Variants in ADGRV1 observed in about 807,000 individuals in gnomAD.
The protein encoded by ADGRV1 is G-protein coupled receptor 98.
ADGRV1 carries 359 observed loss-of-function variants against 596.2 expected under a neutral mutation model. The observed-to-expected ratio is 0.60, with a 90% CI of 0.55 to 0.66. The LOEUF (loss-of-function observed/expected upper bound fraction) is 0.66. Ranked by LOEUF, ADGRV1 falls within the 30% of genes least tolerant of loss-of-function variation. ADGRV1 has a pLI of 0.00. For synonymous variants in ADGRV1, 2,681 were observed against 2,679.2 expected, an observed-to-expected ratio of 1.00 and a Z score of -0.02; for missense variants, 7,274 against 7,575.6, an observed-to-expected ratio of 0.96 and a Z score of 1.48.
chr5:90,653,874 G>T lies in ADGRV1; in HGVS notation c.4300G>T (p.Gly1434Cys). The T allele has an allele frequency of 6.2e-7, 1 of 1,602,554 alleles. No individual in the cohort carries two copies. Among genetic ancestry groups the T allele is most frequent in the South Asian group, 1.1e-5 (1 of 88,870 alleles). The change falls in exon 20 of 90, where the codon GGT (glycine) becomes TGT (cysteine). Residue 1434 changes from glycine to cysteine, a missense_variant. This residue lies in a region of ADGRV1 where 38 missense variants were observed against 66.7 expected (regional missense o/e 0.57). Transcript: ENST00000405460. ...WLHLLIILED[G>C]IIEFYLDGNA... ...TCATCTACTAATTATCCTGGAGGATGGTATAATCGAATTCTACCTGGATGG... is the reference window on the plus strand; with the variant it reads ...TCATCTACTAATTATCCTGGAGGATTGTATAATCGAATTCTACCTGGATGG...
Position 90,697,059 on chromosome 5 carries a change from A to G in ADGRV1, c.8068A>G (p.Thr2690Ala), listed in dbSNP as rs765530046. ...GGSRILPSSD[T>A]VRVNILANDN... ...AAGTAGAATTTTGCCAAGCTCCGAC[A>G]CTGTTAGAGTGAACATTTTGGCCAA... Residue 2690 changes from threonine (T) to alanine (A), a missense_variant, in exon 34 of 90, where the codon ACT becomes GCT. By Grantham distance (58) the Thr-to-Ala change is moderately conservative. Coordinates refer to ENST00000405460, the MANE Select transcript of ADGRV1 (RefSeq NM_032119.4). 5.6e-6 allele frequency: 9 copies of G among 1,613,404 alleles called. No individual in the cohort carries two copies. In the East Asian group the frequency reaches 1.6e-4, roughly 28 times the overall value.
intron 1 of ADGRV1, among the ~76,000 whole-genome samples, chr5:90,600,693 T>C (rs935571296): frequency 3.9e-5 from 6 of 152,190 alleles, no homozygotes; most frequent in Non-Finnish European, 8.8e-5. Flanking sequence ...CTGGGTCAAA[T>C]GGTAGTTCTA....
In ADGRV1 at chr5:90,786,450, C is replaced by T. The variant is rs568443060; in HGVS notation, c.13654-1621C>T. Reference sequence around the variant, plus strand: ...TGCAAATAGGATGCCATTAGAAAATCGTAAGCCAGAGAACAATGTCACCAG... The same window carrying T: ...TGCAAATAGGATGCCATTAGAAAATTGTAAGCCAGAGAACAATGTCACCAG... On this transcript the variant is annotated intron_variant, in intron 67 of 89. Coordinates refer to ENST00000405460, the MANE Select transcript of ADGRV1 (RefSeq NM_032119.4). Among the ~76,000 whole-genome samples the T allele has an allele frequency of 1.1e-4, 16 of 152,214 alleles. No individual in the cohort carries two copies. The South Asian group carries it at 2.1e-3, about 20-fold the overall frequency.
At chr5:90,830,022 C>A (rs1168358842) in intron 77 of ADGRV1, among the ~76,000 whole-genome samples, 1 of 152,076 alleles carries the variant, frequency 6.6e-6, no homozygotes, top group African/African-American at 2.4e-5. Flanking sequence ...TTCACAGTTT[C>A]ATTAAAAGTT....
chr5:90,651,511 A>G, intron 17 of ADGRV1, 93 bp from the exon 18 acceptor site: 1 of 1,109,730 alleles, frequency 9.0e-7, no homozygotes, highest in Non-Finnish European at 1.2e-6. Flanking sequence ...TGAAATTTTC[A>G]ACTTAATTGT....
At position 91,083,023 on chromosome 5, in the gene ADGRV1, T is replaced by C. The variant is rs74480193; in HGVS notation, c.18310+10419T>C. On this transcript the variant is annotated intron_variant, in intron 86 of 89. Coordinates refer to ENST00000405460, the MANE Select transcript of ADGRV1 (RefSeq NM_032119.4). ...AGATCCGGAAATAAAGGAAAATGGGTTTACCAGTACTAGAGAAACAGGAAG... is the reference window on the plus strand; with the variant it reads ...AGATCCGGAAATAAAGGAAAATGGGCTTACCAGTACTAGAGAAACAGGAAG... Among the ~76,000 whole-genome samples the C allele has an allele frequency of 5.4e-3, 824 of 152,230 alleles. 6 individuals carry two copies. The highest frequency in any genetic ancestry group is 0.019 in the African/African-American group (789 of 41,526).
At chr5:90,564,973 TC>T (rs1313468346) in intron 1 of ADGRV1, among the ~76,000 whole-genome samples, 2 of 151,592 alleles carry the variant, frequency 1.3e-5, no homozygotes, top group African/African-American at 4.8e-5. Flanking sequence ...GGTGGCTCAC[TC>T]CCGTAATCCC....
chr5:90,706,737 A>C (rs1298770873), intron 38 of ADGRV1, among the ~76,000 whole-genome samples: 1 of 151,806 alleles, frequency 6.6e-6, no homozygotes, highest in Non-Finnish European at 1.5e-5. Context: ...TAGTAAAAAA[A>C]AAAAAAAATT....
At chr5:90,949,719 C>T (rs1776897314) in intron 83 of ADGRV1, among the ~76,000 whole-genome samples, 1 of 152,018 alleles carries the variant, frequency 6.6e-6, no homozygotes, top group Non-Finnish European at 1.5e-5. Flanking sequence ...GAGTCTAATG[C>T]AAGTATTCTG....
chr5:91,122,504 A>C (rs1793410783), intron 87 of ADGRV1, among the ~76,000 whole-genome samples: 1 of 152,016 alleles, frequency 6.6e-6, no homozygotes. Flanking sequence ...ATTTATTAGC[A>C]CTCTCTGCTC....
At chr5:90,781,743 T>A (rs1173119586) in intron 65 of ADGRV1, among the ~76,000 whole-genome samples, 165 bp downstream of exon 65, 4 of 152,146 alleles carry the variant, frequency 2.6e-5, no homozygotes, top group Non-Finnish European at 5.9e-5. Context: ...ACATTTTCAG[T>A]TATCTTTGGG....
intron 1 of ADGRV1, among the ~76,000 whole-genome samples, chr5:90,595,812 G>C (rs1363030248): frequency 6.8e-6 from 1 of 146,824 alleles, no homozygotes; most frequent in Non-Finnish European, 1.5e-5. Flanking sequence ...CTCCCTCCCG[G>C]ACGGGGCAGC....
intron 41 of ADGRV1, 79 bp downstream of exon 41, chr5:90,711,401 GGT>G: frequency 9.5e-7 from 1 of 1,048,372 alleles, no homozygotes; most frequent in East Asian, 2.7e-5. Context: ...CAGTGATTTA[GGT>G]CCCATATAAA....
chr5:91,098,759 G>A (rs527719557), intron 86 of ADGRV1, among the ~76,000 whole-genome samples: 93 of 150,836 alleles, frequency 6.2e-4, no homozygotes, highest in African/African-American at 1.5e-3. Context: ...AGCTCTGTCA[G>A]CACATACCAC....
At chr5:90,946,498 G>A (rs1313346743) in intron 83 of ADGRV1, among the ~76,000 whole-genome samples, 6 of 152,020 alleles carry the variant, frequency 3.9e-5, no homozygotes, top group Admixed American at 3.3e-4. Context: ...TGCAGGACAC[G>A]TAGGTTTGTT....
At chr5:90,766,477 C>T (rs1267138882) in intron 59 of ADGRV1, among the ~76,000 whole-genome samples, 1 of 152,006 alleles carries the variant, frequency 6.6e-6, no homozygotes, top group African/African-American at 2.4e-5. Context: ...CATAATAAGA[C>T]AATGTCAAAC....
At chr5:90,659,621 A>G (rs1410799651) in intron 21 of ADGRV1, among the ~76,000 whole-genome samples, 1 of 152,258 alleles carries the variant, frequency 6.6e-6, no homozygotes, top group Admixed American at 6.5e-5. Flanking sequence ...ATTTTGGTAT[A>G]ATGTCAAGGA....
rs756605161 is a variant in ADGRV1, at chr5:90,642,851, T to A, written c.2368-5T>A. The A allele has an allele frequency of 3.1e-6, 5 of 1,597,562 alleles. No individual in the cohort carries two copies. Among genetic ancestry groups the A allele is most frequent in the South Asian group, 1.1e-5 (1 of 87,968 alleles). On this transcript the variant is annotated splice_region_variant and splice_polypyrimidine_tract_variant and intron_variant, in intron 12 of 89. Transcript: ENST00000405460. ...GTTTCAACTTTTGTGGATTTGTTTT[T>A]AAAGGAAGGAGAATCTGTAGAGCTC...
In ADGRV1 at chr5:90,713,315, T is replaced by C. The variant is rs1317995761; in HGVS notation, c.9184+887T>C. Among the ~76,000 whole-genome samples, 10 of 151,578 alleles carry C rather than the reference T, an allele frequency of 6.6e-5. No homozygotes were observed. The East Asian group carries it at 1.4e-3, about 20-fold the overall frequency. On this transcript the variant is annotated intron_variant, in intron 42 of 89. Transcript: ENST00000405460. ...TTTCTTGCTATTTTGATAAAATACATTGATATTTCTAAGTCCCCAGAAGCC... is the reference window on the plus strand; with the variant it reads ...TTTCTTGCTATTTTGATAAAATACACTGATATTTCTAAGTCCCCAGAAGCC...
Sources: allele counts gnomAD v4.1 joint callset (sites outside exome capture counted in the v4.1 genomes callset), GRCh38; gene constraint gnomAD v4.1.1; regional missense constraint gnomAD v4.1.1; transcripts MANE v1.5; gene names NCBI Gene and HGNC (gene_info 2026-07-23, HGNC 2026-07-21).